THSD7B: variants seen among roughly 807,000 people sequenced by gnomAD.
THSD7B encodes thrombospondin type-1 domain-containing protein 7B.
A neutral mutation model predicts 213.6 loss-of-function variants in THSD7B; 138 were observed. The ratio of observed to expected loss-of-function variants is 0.65; its 90% CI spans 0.56 to 0.74. The LOEUF (loss-of-function observed/expected upper bound fraction) is 0.74, where lower values mean the gene tolerates loss of function less well. Among genes scored for constraint, THSD7B ranks in the 30% least tolerant of loss-of-function variants. The probability of loss-of-function intolerance (pLI) is 0.00; values close to 1 mark genes in which losing one functional copy is unlikely to be tolerated. For missense variants in THSD7B, 1,931 were observed against 1,991.5 expected (o/e 0.97, Z 0.58); for synonymous variants, 742 against 687.0 (o/e 1.08, Z -1.25).
intron 12 of THSD7B, among the ~76,000 whole-genome samples, chr2:137,328,525 T>TGTATAATA (rs1684422650): frequency 6.6e-6 from 1 of 152,140 alleles, no homozygotes; most frequent in East Asian, 1.9e-4. Flanking sequence ...CATAGCAGAA[T>TGTATAATA]GTATAATAGT....
At chr2:136,873,870 C>T (rs1175431580) in intron 1 of THSD7B, among the ~76,000 whole-genome samples, 1 of 152,102 alleles carries the variant, frequency 6.6e-6, no homozygotes, top group Non-Finnish European at 1.5e-5. Context: ...CGTGCACTGC[C>T]AGGGTTCACA....
At chr2:137,270,835 C>G (rs938903578) in intron 10 of THSD7B, among the ~76,000 whole-genome samples, 7 of 152,136 alleles carry the variant, frequency 4.6e-5, no homozygotes, top group Non-Finnish European at 1.5e-5. Flanking sequence ...TTGTCAATTA[C>G]TGCAGAAAGT....
In THSD7B at chr2:137,465,082, A is replaced by G. The variant is rs138238466; in HGVS notation, c.3138+14059A>G. ...AAGGACATGCAAAGGCTTCAGAACA[A>G]TCCTACAAGGAGCCTTTTTTTTCTC... On this transcript the variant is annotated intron_variant, in intron 15 of 27. Transcript: ENST00000409968. Among the ~76,000 whole-genome samples the G allele has an allele frequency of 6.3e-4, 96 of 152,186 alleles. 1 individual carries two copies. The highest frequency in any genetic ancestry group is 2.2e-3 in the African/African-American group (93 of 41,544).
chr2:137,479,663 A>G (rs55891735), intron 15 of THSD7B, among the ~76,000 whole-genome samples: 6 of 152,252 alleles, frequency 3.9e-5, no homozygotes, highest in Non-Finnish European at 7.4e-5. Context: ...GTTGCTGCCA[A>G]TGGTTCATGT....
At chr2:137,306,709 C>T (rs1441284220) in intron 12 of THSD7B, among the ~76,000 whole-genome samples, 3 of 151,462 alleles carry the variant, frequency 2.0e-5, no homozygotes, top group Non-Finnish European at 4.4e-5. Context: ...CTATATTTAC[C>T]CTTTTATATC....
intron 1 of THSD7B, among the ~76,000 whole-genome samples, chr2:136,810,555 T>C (rs972226339): frequency 1.3e-5 from 2 of 152,210 alleles, no homozygotes; most frequent in Non-Finnish European, 2.9e-5. Context: ...AATGGTGTGC[T>C]TTCTCTGAGA....
rs12105071 is a variant in THSD7B, at chr2:137,173,010, G to T, written c.1723+2072G>T. ...CTACTCACCTGCTAGGTTGTCTCAG[G>T]AAATTTATTTAACTAGGAAGCATCC... On this transcript the variant is annotated intron_variant, in intron 7 of 27. Coordinates refer to ENST00000409968, the MANE Select transcript of THSD7B (RefSeq NM_001316349.2). Among the ~76,000 whole-genome samples the T allele has an allele frequency of 5.2e-3, 794 of 152,198 alleles. 5 individuals are homozygous for T. Among genetic ancestry groups the T allele is most frequent in the African/African-American group, 0.018 (762 of 41,544 alleles).
At chr2:137,037,120 C>G (rs7569190) in intron 2 of THSD7B, among the ~76,000 whole-genome samples, 1 of 151,576 alleles carries the variant, frequency 6.6e-6, no homozygotes, top group South Asian at 2.1e-4. Flanking sequence ...TCCTTTTTTT[C>G]CCCTAAGGGA....
chr2:137,625,488 A>T (rs894748841), intron 20 of THSD7B, among the ~76,000 whole-genome samples: 1 of 150,920 alleles, frequency 6.6e-6, no homozygotes, highest in Non-Finnish European at 1.5e-5. Context: ...AAAAAAAAAT[A>T]GAAAAATAGG....
intron 1 of THSD7B, among the ~76,000 whole-genome samples, chr2:136,770,261 T>C (rs1681481096): frequency 6.6e-6 from 1 of 152,182 alleles, no homozygotes; most frequent in Non-Finnish European, 1.5e-5. Context: ...GTAGTATGCA[T>C]ACATGAAAGA....
chr2:137,357,273 AT>A (rs751170671), intron 12 of THSD7B, among the ~76,000 whole-genome samples: 12 of 152,152 alleles, frequency 7.9e-5, no homozygotes, highest in South Asian at 2.1e-4. Context: ...TCAAAGATAT[AT>A]TTCCCTATTC....
intron 14 of THSD7B, among the ~76,000 whole-genome samples, chr2:137,448,509 T>C (rs890048701): frequency 1.3e-5 from 2 of 152,086 alleles, no homozygotes; most frequent in African/African-American, 4.8e-5. Context: ...CTGAATGTGT[T>C]TAAAAACTAC....
chr2:137,409,947 G>A (rs1346486931), intron 13 of THSD7B, among the ~76,000 whole-genome samples: 2 of 152,110 alleles, frequency 1.3e-5, no homozygotes, highest in Admixed American at 6.5e-5. Context: ...TGATAACAGT[G>A]GTTTCCAGAA....
In THSD7B at chr2:137,625,238, G is replaced by T. The variant is rs190610073; in HGVS notation, c.3799+4512G>T. 2.8e-4 allele frequency among the ~76,000 whole-genome samples: 41 copies of T among 148,786 alleles called. 2 individuals are homozygous for T. The East Asian group carries it at 7.6e-3, about 28-fold the overall frequency. On this transcript the variant is annotated intron_variant, in intron 20 of 27. Coordinates refer to ENST00000409968, the MANE Select transcript of THSD7B (RefSeq NM_001316349.2). ...ACTATCACAAGGTCAGAAAACCAAAGACTGCATGTTCTCACTCACAGGTGG... is the reference window on the plus strand; with the variant it reads ...ACTATCACAAGGTCAGAAAACCAAATACTGCATGTTCTCACTCACAGGTGG...
At position 137,391,644 on chromosome 2, in the gene THSD7B, G is replaced by A. The variant is rs374444631; in HGVS notation, c.2501-13969G>A. Reference sequence around the variant, plus strand: ...GGAGGTTGTGGTGAGTTGAGATCATGCCACTGTACTCCAGACTGGACAACA... The same window carrying A: ...GGAGGTTGTGGTGAGTTGAGATCATACCACTGTACTCCAGACTGGACAACA... On this transcript the variant is annotated intron_variant, in intron 12 of 27. Transcript: ENST00000409968. Among the ~76,000 whole-genome samples, 10 of 150,934 alleles carry A rather than the reference G, an allele frequency of 6.6e-5. No individual in the cohort carries two copies. The East Asian group carries it at 2.0e-3, about 29-fold the overall frequency.
chr2:136,948,625 C>T (rs1439786403), intron 2 of THSD7B, among the ~76,000 whole-genome samples: 1 of 152,098 alleles, frequency 6.6e-6, no homozygotes, highest in Non-Finnish European at 1.5e-5. Context: ...TATTTATATA[C>T]ATATGTAAGA....
chr2:137,476,789 T>G (rs1041440718), intron 15 of THSD7B, among the ~76,000 whole-genome samples: 1 of 152,222 alleles, frequency 6.6e-6, no homozygotes, highest in Non-Finnish European at 1.5e-5. Flanking sequence ...ATCCACCCAC[T>G]TCGACCTCCC....
chr2:137,081,556 C>A (rs973515314), intron 3 of THSD7B, among the ~76,000 whole-genome samples: 7 of 151,776 alleles, frequency 4.6e-5, no homozygotes. Context: ...TTTATTATTT[C>A]TCTATTTGTC....
At chr2:137,018,621 T>C (rs1438279722) in intron 2 of THSD7B, among the ~76,000 whole-genome samples, 1 of 152,162 alleles carries the variant, frequency 6.6e-6, no homozygotes, top group Admixed American at 6.6e-5. Context: ...ATTCAATTTG[T>C]ACAGTACAAG....
Sources: allele counts gnomAD v4.1 joint callset (sites outside exome capture counted in the v4.1 genomes callset), GRCh38; gene constraint gnomAD v4.1.1; transcripts MANE v1.5; gene names NCBI Gene and HGNC (gene_info 2026-07-23, HGNC 2026-07-21).